SULT1A1: variants seen among roughly 807,000 people sequenced by gnomAD.
SULT1A1 encodes the protein sulfotransferase family 1A member 1, also known as sulfotransferase 1A1.
Under a neutral mutation model 36.8 loss-of-function variants are expected in SULT1A1, and 35 were observed. The ratio of observed to expected loss-of-function variants is 0.95; its 90% confidence interval spans 0.73 to 1.26. The LOEUF is 1.26. Ranked by LOEUF, SULT1A1 falls within the 50% of genes most tolerant of loss-of-function variation. SULT1A1 has a pLI of 0.00. For synonymous variants in SULT1A1, 119 were observed against 146.0 expected (o/e 0.82, Z 1.33); for missense variants, 309 against 383.0 (o/e 0.81, Z 1.61).
Position 28,620,016 on chromosome 16 carries a change from T to TAC in SULT1A1, c.138+45_138+46dup, listed in dbSNP as rs769751976. The TAC allele has an allele frequency of 2.6e-6, 4 of 1,518,298 alleles. No individual in the cohort carries two copies. In the East Asian group the frequency reaches 9.1e-5, roughly 34 times the overall value. 94.1% of individuals were successfully genotyped at this position (1,518,298 alleles called of 1,614,324 possible). On this transcript the variant is annotated intron_variant, in intron 2 of 5. Transcript: ENST00000350842. ...TATTGTGTGTGTGTGTGTGTGTATA[T>TAC]ACACACACAAAAAGATACTGATAAC...
intron 4 of SULT1A1, chr16:28,607,394 G>C (rs2047246254): frequency 1.6e-5 from 6 of 366,206 alleles, no homozygotes; most frequent in Admixed American, 4.0e-5. Flanking sequence ...CCACCCTCTA[G>C]CTTTCTTAGG....
chr16:28,610,208 A>C (rs1180863651), upstream of SULT1A1: 19 of 1,283,434 alleles, frequency 1.5e-5, 1 homozygote, highest in Non-Finnish European at 1.9e-5. Context: ...AGAAAACAGA[A>C]GAATGAAAGG....
chr16:28,608,396 G>C lies in SULT1A1; in HGVS notation c.275-8C>G, dbSNP rs2047307648. 4.3e-6 allele frequency: 7 copies of C among 1,612,452 alleles called. No individual in the cohort carries two copies. The highest frequency in any genetic ancestry group is 5.9e-6 in the Non-Finnish European group (7 of 1,178,678). ...CTTTCAGAGTCTCCATCCCTGAGCA[G>C]TGGGTCAGGGAAGGTCTGGTGAGCT... On this transcript the variant is annotated splice_polypyrimidine_tract_variant and splice_region_variant and intron_variant, in intron 3 of 7. Transcript: ENST00000314752.
At chr16:28,610,062 G>A (rs148173295), upstream of SULT1A1, 260 of 1,285,816 alleles carry the variant, frequency 2.0e-4, 1 homozygote, top group East Asian at 0.01. Flanking sequence ...ATCTGGAGCC[G>A]GGGCTGGACT....
At chr16:28,622,007 C>T (rs1428950934) in intron 1 of SULT1A1, among the ~76,000 whole-genome samples, 6 of 152,218 alleles carry the variant, frequency 3.9e-5, no homozygotes, top group African/African-American at 1.4e-4. Flanking sequence ...AGGTTACTTA[C>T]AGATGAACCC....
intron 4 of SULT1A1, 132 bp downstream of exon 4, chr16:28,608,159 G>A (rs1361892650): frequency 7.6e-7 from 1 of 1,314,698 alleles, no homozygotes; most frequent in Non-Finnish European, 1.0e-6. Flanking sequence ...GGCTAATTTT[G>A]TATTTTTAGT....
In SULT1A1 at chr16:28,608,356, G is replaced by A. The variant is rs144422872; in HGVS notation, c.307C>T (p.Arg103Ter). The A allele has an allele frequency of 3.2e-5, 52 of 1,612,390 alleles. 2 individuals carry two copies. The Admixed American group carries it at 4.7e-4, about 14-fold the overall frequency. The change falls in exon 4 of 8, where the codon CGA becomes TGA. Residue 103 changes from arginine (R) to a stop codon, truncating the protein, a stop_gained. Transcript: ENST00000314752. LOFTEE classifies it high-confidence loss of function. Reference sequence around the variant, plus strand: ...AGGGGCAGGTGTGTCTTCAGGAGTCGTGGGGCCGGTGTGTCTTTCAGAGTC... The same window carrying A: ...AGGGGCAGGTGTGTCTTCAGGAGTCATGGGGCCGGTGTGTCTTTCAGAGTC... ...METLKDTPAP[R>*]LLKTHLPLAL...
At position 28,606,235 on chromosome 16, in the gene SULT1A1, T is replaced by C; in HGVS notation, c.596A>G (p.Asn199Ser). ...LYLFYEDMKE[N>S]PKREIQKILE... ...GATCTTTTGAATCTCCCTTTTCGGG[T>C]TCTGAGCAGCAGAGGGCCCCTCAGT... The change falls in exon 7 of 8, where the codon AAC (asparagine) becomes AGC (serine). Residue 199 changes from asparagine (N) to serine (S), a missense_variant and splice_region_variant. By Grantham distance (46) the Asn-to-Ser change is conservative (BLOSUM62 1). Around this residue, in one of 3 missense-constraint regions of SULT1A1, gnomAD observed 219 missense variants for 215.3 expected, o/e 1.02. Coordinates refer to ENST00000314752, the MANE Select transcript of SULT1A1 (RefSeq NM_001055.4). 6.2e-7 allele frequency: 1 copy of C among 1,610,218 alleles called. No individual in the cohort carries two copies. The highest frequency in any genetic ancestry group is 8.5e-7 in the Non-Finnish European group (1 of 1,177,326).
chr16:28,608,312 A>T lies in SULT1A1; in HGVS notation c.351T>A (p.Thr117=), dbSNP rs1296602090. 2 of 1,612,274 alleles carry T rather than the reference A, an allele frequency of 1.2e-6. No homozygotes were observed. Among genetic ancestry groups the T allele is most frequent in the South Asian group, 1.1e-5 (1 of 90,998 alleles). ...THLPLALLPQ[T]LLDQKVKVVY... ...TCACCTTGACCTTCTGATCCAACAG[A>T]GTCTGGGGGAGCAGAGCCAGGGGCA... Residue 117 remains threonine (T), a synonymous_variant, in exon 4 of 8, where the codon ACT becomes ACA. Coordinates refer to ENST00000314752, the MANE Select transcript of SULT1A1 (RefSeq NM_001055.4).
exon 1 of SULT1A1, chr16:28,623,331 C>T (rs147482362): frequency 1.1e-5 from 16 of 1,514,094 alleles, no homozygotes; most frequent in Non-Finnish European, 1.4e-5. Context: ...GCCCTGCAGC[C>T]GTTGCTGCAG....
intron 2 of SULT1A1, among the ~76,000 whole-genome samples, chr16:28,618,499 C>T (rs2047590251): frequency 6.6e-6 from 1 of 151,876 alleles, no homozygotes; most frequent in Admixed American, 6.6e-5. Context: ...GCTCGTACCA[C>T]CATGCCCTGC....
At chr16:28,623,105 C>A in intron 1 of SULT1A1, 2 of 1,504,936 alleles carry the variant, frequency 1.3e-6, no homozygotes, top group Non-Finnish European at 9.0e-7. Context: ...GGTCCCACCC[C>A]CCAGGTTCCC....
chr16:28,609,211 T>C, intron 1 of SULT1A1: 1 of 1,303,848 alleles, frequency 7.7e-7, no homozygotes, highest in Non-Finnish European at 9.9e-7. Flanking sequence ...AGGACCTTCC[T>C]GTGCTGTCTC....
intron 6 of SULT1A1, 135 bp from the exon 7 acceptor site, chr16:28,606,371 C>T: frequency 2.0e-6 from 3 of 1,482,406 alleles, no homozygotes; most frequent in East Asian, 2.4e-5. Flanking sequence ...CCTCAACCCC[C>T]AGGGCCCCAG....
At chr16:28,618,579 T>C (rs2047591932) in intron 2 of SULT1A1, among the ~76,000 whole-genome samples, 1 of 151,932 alleles carries the variant, frequency 6.6e-6, no homozygotes, top group Non-Finnish European at 1.5e-5. Context: ...CTCCCGACCT[T>C]GTGATCCACC....
chr16:28,620,150 CA>C, intron 1 of SULT1A1: 1 of 1,610,366 alleles, frequency 6.2e-7, no homozygotes, highest in Non-Finnish European at 8.5e-7. Context: ...GCAAAAACAC[CA>C]AAAGAATTTT....
At position 28,609,083 on chromosome 16, in the gene SULT1A1, C is replaced by CA; in HGVS notation, c.-4-225dup. On this transcript the variant is annotated intron_variant, in intron 1 of 7. Transcript: ENST00000314752. ...CCTTTCATTCACCTGCGGAGCTGTT[C>CA]AAAATCCCAGGGCCTGGGCCATGGT... The CA allele has an allele frequency of 2.8e-6, 4 of 1,447,472 alleles. 1 individual carries two copies. Among genetic ancestry groups the CA allele is most frequent in the Middle Eastern group, 2.6e-4 (1 of 3,912 alleles). 89.7% of individuals were successfully genotyped at this position (1,447,472 alleles called of 1,614,324 possible).
intron 1 of SULT1A1, chr16:28,623,097 TC>T: frequency 1.4e-6 from 2 of 1,391,252 alleles, no homozygotes; most frequent in Non-Finnish European, 9.8e-7. Flanking sequence ...CCAATACTGG[TC>T]CCACCCCCCA....
At position 28,618,388 on chromosome 16, in the gene SULT1A1, C is replaced by T. The variant is rs963274526; in HGVS notation, c.138+1675G>A. 6.4e-5 allele frequency among the ~76,000 whole-genome samples: 9 copies of T among 140,700 alleles called. 1 individual carries two copies. The Admixed American group carries it at 7.0e-4, about 11-fold the overall frequency. The allele number at this position is 140,700 out of a possible 152,430, so 92.3% of individuals were successfully genotyped here. On this transcript the variant is annotated intron_variant, in intron 2 of 5. Transcript: ENST00000350842. Reference sequence around the variant, plus strand: ...TGAGACAGAGTCTCGCTCTGTCGCCCAGGCTGGAGTGCAGTGGCGTGATAT... The same window carrying T: ...TGAGACAGAGTCTCGCTCTGTCGCCTAGGCTGGAGTGCAGTGGCGTGATAT...
Sources: gnomAD v4.1 joint callset for allele counts (sites outside exome capture counted in the v4.1 genomes callset) on GRCh38, gnomAD v4.1.1 for gene constraint, gnomAD v4.1.1 regional missense constraint, MANE v1.5 for transcripts, NCBI Gene and HGNC (gene_info 2026-07-23, HGNC 2026-07-21) for gene names.